Variants in PPP2R3A observed in about 807,000 individuals in gnomAD.
PPP2R3A encodes the protein serine/threonine-protein phosphatase 2A regulatory subunit B'' subunit alpha.
In PPP2R3A, 80 loss-of-function variants were observed where a neutral mutation model predicts 106.9. The observed-to-expected ratio is 0.75, with a 90% CI of 0.62 to 0.90. The LOEUF (loss-of-function observed/expected upper bound fraction) is 0.90. Ranked by LOEUF, PPP2R3A falls within the 40% of genes least tolerant of loss-of-function variation. PPP2R3A has a pLI of 0.00. For synonymous variants in PPP2R3A, 483 were observed against 468.3 expected (o/e 1.03, Z -0.41); for missense variants, 1,386 against 1,350.4 (o/e 1.03, Z -0.41).
Position 136,103,341 on chromosome 3 carries a change from G to C in PPP2R3A, c.3187G>C (p.Asp1063His), listed in dbSNP as rs765223446. Residue 1063 changes from aspartate (D) to histidine (H), a missense_variant, in exon 12 of 14, where the codon GAC becomes CAC. Coordinates refer to ENST00000264977, the MANE Select transcript of PPP2R3A (RefSeq NM_002718.5). ...DTFFNLEKYL[D>H]HEQRDPFAVQ... ...TTTCTTTAATCTGGAGAAATACTTA[G>C]ACCATGAACAGAGAGATCCCTTTGC... 3 of 1,608,266 alleles carry C rather than the reference G, an allele frequency of 1.9e-6. No homozygotes were observed. The highest frequency in any genetic ancestry group is 2.2e-5 in the South Asian group (2 of 90,704).
intron 1 of PPP2R3A, among the ~76,000 whole-genome samples, chr3:136,000,312 G>A (rs895624206): frequency 6.6e-6 from 1 of 152,164 alleles, no homozygotes; most frequent in African/African-American, 2.4e-5. Context: ...ACACACAGTA[G>A]GTAGTCAGTA....
chr3:136,056,546 G>A (rs569867385), intron 5 of PPP2R3A, among the ~76,000 whole-genome samples: 4 of 151,860 alleles, frequency 2.6e-5, no homozygotes, highest in South Asian at 4.1e-4. Flanking sequence ...AATAAGAACC[G>A]TAAAACAAAA....
At chr3:136,095,157 G>T (rs11922000) in intron 10 of PPP2R3A, among the ~76,000 whole-genome samples, 2 of 151,846 alleles carry the variant, frequency 1.3e-5, no homozygotes, top group African/African-American at 4.8e-5. Context: ...TATGGGGGGA[G>T]GTCCCCTCAG....
Position 136,131,042 on chromosome 3 carries a change from A to C in PPP2R3A, c.3330-14001A>C, listed in dbSNP as rs144906630. Among the ~76,000 whole-genome samples the C allele has an allele frequency of 2.6e-3, 395 of 152,332 alleles. 1 individual carries two copies. The highest frequency in any genetic ancestry group is 4.9e-3 in the Non-Finnish European group (331 of 68,032). The stretch of plus-strand genomic sequence containing the variant: ...TTAAAGACTTAATTAAGTTAGACCT[A>C]AAACCATAAAAACCCTAGAAGAAAA... On this transcript the variant is annotated intron_variant, in intron 13 of 13. Coordinates refer to ENST00000264977, the MANE Select transcript of PPP2R3A (RefSeq NM_002718.5).
chr3:136,085,312 A>C (rs1352915857), intron 8 of PPP2R3A, among the ~76,000 whole-genome samples: 1 of 152,164 alleles, frequency 6.6e-6, no homozygotes, highest in Admixed American at 6.5e-5. Context: ...CCCTGCTGCC[A>C]TGTAAGATGT....
rs139562645 is a variant in PPP2R3A at position 136,094,497 on chromosome 3, T to C, written c.2927+3830T>C. Among the ~76,000 whole-genome samples, 290 of 152,252 alleles carry C rather than the reference T, an allele frequency of 1.9e-3. 2 individuals are homozygous for C. Among genetic ancestry groups the C allele is most frequent in the African/African-American group, 6.6e-3 (273 of 41,558 alleles). Reference sequence around the variant, plus strand: ...AGACAACTGGAAAATCTCCACACACTTGGGTATTAAACAACACACTTCTAA... The same window carrying C: ...AGACAACTGGAAAATCTCCACACACCTGGGTATTAAACAACACACTTCTAA... On this transcript the variant is annotated intron_variant, in intron 10 of 13. Transcript: ENST00000264977.
chr3:136,128,872 A>C (rs1447858540), intron 13 of PPP2R3A, among the ~76,000 whole-genome samples: 3 of 152,184 alleles, frequency 2.0e-5, no homozygotes, highest in African/African-American at 7.2e-5. Flanking sequence ...ACTCACTCAA[A>C]ACCGCTCAAC....
In PPP2R3A at chr3:136,027,036, ACTG is replaced by A; in HGVS notation, c.2203_2205del (p.Ala735del). 1 of 1,613,218 alleles carries A rather than the reference ACTG, an allele frequency of 6.2e-7. No individual in the cohort carries two copies. The highest frequency in any genetic ancestry group is 1.1e-5 in the South Asian group (1 of 91,058). On this transcript the variant is annotated inframe_deletion, in exon 3 of 14. Coordinates refer to ENST00000264977, the MANE Select transcript of PPP2R3A (RefSeq NM_002718.5). ...TGAACAAACTCTAAGCAGAATTGAA[ACTG>A]CTTTCATGGATATTGAAGAACAGAA...
At chr3:136,101,949 T>A in intron 10 of PPP2R3A, 58 bp from the exon 11 acceptor site, 1 of 1,504,836 alleles carries the variant, frequency 6.6e-7, no homozygotes, top group Non-Finnish European at 9.1e-7. Flanking sequence ...ACATACTAAA[T>A]CTGGATAAAT....
At chr3:136,136,748 C>T (rs932791618) in intron 13 of PPP2R3A, among the ~76,000 whole-genome samples, 1 of 152,114 alleles carries the variant, frequency 6.6e-6, no homozygotes, top group African/African-American at 2.4e-5. Flanking sequence ...ATTTGGCCCT[C>T]CAAAAACAAC....
In PPP2R3A at chr3:136,001,460, A is replaced by G. The variant is rs764711824; in HGVS notation, c.-39A>G. The G allele has an allele frequency of 3.3e-6, 5 of 1,527,416 alleles. No individual in the cohort carries two copies. The East Asian group carries it at 1.1e-4, about 35-fold the overall frequency. The allele number at this position is 1,527,416 out of a possible 1,614,324, so 94.6% of individuals were successfully genotyped here. ...GGAGAATTTTCATGAAACAAGTTCT[A>G]GAAAGTTCCAAGTCCCACCAGTAAG... On this transcript the variant is annotated 5_prime_UTR_variant, in exon 2 of 14. Coordinates refer to ENST00000264977, the MANE Select transcript of PPP2R3A (RefSeq NM_002718.5).
At chr3:135,999,786 T>C (rs1467695332) in intron 1 of PPP2R3A, among the ~76,000 whole-genome samples, 1 of 152,130 alleles carries the variant, frequency 6.6e-6, no homozygotes, top group Non-Finnish European at 1.5e-5. Flanking sequence ...ATTTTTATTT[T>C]TTTCTGAGAT....
intron 5 of PPP2R3A, among the ~76,000 whole-genome samples, chr3:136,065,850 A>AT (rs1355290510): frequency 6.6e-6 from 1 of 151,966 alleles, no homozygotes; most frequent in Non-Finnish European, 1.5e-5. Flanking sequence ...TAATTTTTAC[A>AT]TTTTTTATAG....
At chr3:136,048,087 C>T (rs1192670223) in intron 4 of PPP2R3A, among the ~76,000 whole-genome samples, 1 of 152,028 alleles carries the variant, frequency 6.6e-6, no homozygotes, top group East Asian at 1.9e-4. Flanking sequence ...TACATGTACC[C>T]CTGTACCTAT....
chr3:136,012,945 C>G (rs1033527193), intron 2 of PPP2R3A, among the ~76,000 whole-genome samples: 3 of 152,128 alleles, frequency 2.0e-5, no homozygotes, highest in Non-Finnish European at 4.4e-5. Context: ...TCCCTCACCC[C>G]CTTCCCACCC....
At chr3:136,128,546 T>C (rs1938275486) in intron 13 of PPP2R3A, among the ~76,000 whole-genome samples, 2 of 152,110 alleles carry the variant, frequency 1.3e-5, no homozygotes, top group Admixed American at 1.3e-4. Flanking sequence ...ACAAAGAGAC[T>C]TAGACTCCCA....
At chr3:136,005,420 A>G (rs1287829311) in intron 2 of PPP2R3A, among the ~76,000 whole-genome samples, 2 of 152,196 alleles carry the variant, frequency 1.3e-5, no homozygotes, top group Non-Finnish European at 2.9e-5. Context: ...TAGCAACACT[A>G]AAGTTTAAAA....
rs763256587 is a variant in PPP2R3A, at chr3:135,983,262, T to A, written c.-441+17413T>A. ...TAGTTTTGGGGTGTGCTTCACAGAATCTGACCGTTTATCCATTAAGAAAAT... is the reference window on the plus strand; with the variant it reads ...TAGTTTTGGGGTGTGCTTCACAGAAACTGACCGTTTATCCATTAAGAAAAT... On this transcript the variant is annotated intron_variant, in intron 1 of 13. Transcript: ENST00000264977. 3.5e-4 allele frequency among the ~76,000 whole-genome samples: 53 copies of A among 152,204 alleles called. 2 individuals are homozygous for A. The highest frequency in any genetic ancestry group is 1.0e-4 in the Non-Finnish European group (7 of 68,040).
intron 1 of PPP2R3A, among the ~76,000 whole-genome samples, chr3:135,969,850 A>G (rs781679431): frequency 9.2e-5 from 14 of 152,218 alleles, no homozygotes; most frequent in Non-Finnish European, 1.9e-4. Flanking sequence ...GTTTTCCAAT[A>G]TGGCAGCAAT....
Sources: gnomAD v4.1 joint callset for allele counts (sites outside exome capture counted in the v4.1 genomes callset) on GRCh38, gnomAD v4.1.1 for gene constraint, MANE v1.5 for transcripts, NCBI Gene and HGNC (gene_info 2026-07-23, HGNC 2026-07-21) for gene names.